Variants in LPP observed in about 807,000 individuals in gnomAD.
LPP encodes lipoma-preferred partner.
LPP carries 38 observed loss-of-function variants against 60.4 expected under a neutral mutation model. That is an observed-to-expected ratio of 0.63 (90% CI 0.49 to 0.83). The LOEUF is 0.83. Ranked by LOEUF, LPP falls within the 40% of genes least tolerant of loss-of-function variation. LPP has a pLI of 0.00. For missense variants in LPP, 902 were observed against 783.6 expected, an observed-to-expected ratio of 1.15 and a Z score of -1.80; for synonymous variants, 328 against 290.8, an observed-to-expected ratio of 1.13 and a Z score of -1.30.
chr3:188,693,864 CT>C (rs1337572517), intron 7 of LPP, among the ~76,000 whole-genome samples: 1 of 152,206 alleles, frequency 6.6e-6, no homozygotes, highest in African/African-American at 2.4e-5. Flanking sequence ...CTGAGTGAAT[CT>C]TTATTGGTGC....
intron 9 of LPP, among the ~76,000 whole-genome samples, chr3:188,843,897 A>T (rs1383374439): frequency 6.6e-6 from 1 of 151,988 alleles, no homozygotes; most frequent in Non-Finnish European, 1.5e-5. Flanking sequence ...TACTTGAGAT[A>T]ATATTTCTGG....
chr3:188,733,894 C>T (rs1346916373), intron 8 of LPP, among the ~76,000 whole-genome samples: 1 of 152,126 alleles, frequency 6.6e-6, no homozygotes, highest in Non-Finnish European at 1.5e-5. Flanking sequence ...GTATTTCTCA[C>T]TTATACTTTT....
rs377307094 is a variant in LPP, at chr3:188,263,760, A to G, written c.-67+38233A>G. Among the ~76,000 whole-genome samples, 22 of 152,362 alleles carry G rather than the reference A, an allele frequency of 1.4e-4. No homozygotes were observed. The South Asian group carries it at 4.1e-3, about 29-fold the overall frequency. On this transcript the variant is annotated intron_variant, in intron 2 of 11. Coordinates refer to ENST00000617246, the MANE Select transcript of LPP (RefSeq NM_001375462.1). ...AGTACCTTTCTAACCCATCACTGAT[A>G]GCATTTTTCTTTTGCACCAGACTTC...
chr3:188,772,728 C>T (rs1052352038), intron 9 of LPP, among the ~76,000 whole-genome samples: 13 of 151,960 alleles, frequency 8.6e-5, no homozygotes, highest in African/African-American at 1.2e-4. Flanking sequence ...CTCCTGACTG[C>T]AGGGAGGTCA....
At chr3:188,333,757 A>G (rs1175953600) in intron 2 of LPP, among the ~76,000 whole-genome samples, 1 of 152,190 alleles carries the variant, frequency 6.6e-6, no homozygotes, top group Non-Finnish European at 1.5e-5. Context: ...ATTAACACAT[A>G]ATTGTACATG....
At chr3:188,592,513 T>A (rs1259851263) in intron 6 of LPP, among the ~76,000 whole-genome samples, 1 of 151,490 alleles carries the variant, frequency 6.6e-6, no homozygotes, top group African/African-American at 2.4e-5. Context: ...TTATTACTTC[T>A]CATATTTTCT....
In LPP at chr3:188,840,169, C is replaced by T. The variant is rs183468356; in HGVS notation, c.1411-26031C>T. Among the ~76,000 whole-genome samples the T allele has an allele frequency of 1.7e-4, 26 of 152,190 alleles. No individual in the cohort carries two copies. The East Asian group carries it at 3.5e-3, about 20-fold the overall frequency. On this transcript the variant is annotated intron_variant, in intron 9 of 11. Coordinates refer to ENST00000617246, the MANE Select transcript of LPP (RefSeq NM_001375462.1). ...ATTCCTTCCTTTTCCAAGAAACCCA[C>T]GATTTCTTTCTTTCTTTTTCCAGCT...
chr3:188,398,908 CAGAAAAAG>C (rs1385577839), intron 3 of LPP, among the ~76,000 whole-genome samples: 3 of 152,118 alleles, frequency 2.0e-5, no homozygotes, highest in Non-Finnish European at 4.4e-5. Context: ...AAACGGGTGA[CAGAAAAAG>C]AGAAAAAGAG....
chr3:188,671,115 A>G (rs1856868854), intron 7 of LPP, among the ~76,000 whole-genome samples: 1 of 152,198 alleles, frequency 6.6e-6, no homozygotes, highest in Non-Finnish European at 1.5e-5. Context: ...ATCAAGTACT[A>G]CGCAGCTGAA....
intron 4 of LPP, among the ~76,000 whole-genome samples, chr3:188,406,919 A>G (rs1473462119): frequency 1.3e-5 from 2 of 152,176 alleles, no homozygotes; most frequent in African/African-American, 4.8e-5. Flanking sequence ...GTAGAGTTTG[A>G]AGGTCTACGT....
chr3:188,848,123 T>C (rs1761907032), intron 9 of LPP, among the ~76,000 whole-genome samples: 1 of 152,232 alleles, frequency 6.6e-6, no homozygotes. Context: ...ATTCTCAATT[T>C]TATGAAATTC....
chr3:188,809,074 G>A (rs1481777014), intron 9 of LPP, among the ~76,000 whole-genome samples: 3 of 152,046 alleles, frequency 2.0e-5, no homozygotes, highest in East Asian at 1.9e-4. Context: ...TCTTTATCCA[G>A]TCTATTATTG....
chr3:188,609,332 C>T lies in LPP; in HGVS notation c.601C>T (p.Pro201Ser), dbSNP rs375544166. ...TGTGGCTCCAATCGGAACACTCAAA[C>T]CCCAGCCTCAGCCAGTCCCAGCCTC... The part of the protein sequence containing the change: ...IPVAPIGTLK[P>S]QPQPVPASYT... Residue 201 changes from proline to serine, a missense_variant, in exon 7 of 12, where the codon CCC (proline) becomes TCC (serine). Pro to Ser is a moderately conservative substitution (Grantham distance 74). Coordinates refer to ENST00000617246, the MANE Select transcript of LPP (RefSeq NM_001375462.1). This position sits in a 1 kb window ranked among gnomAD's most constrained non-coding sequence, Gnocchi z 6.9. 24 of 1,613,976 alleles carry T rather than the reference C, an allele frequency of 1.5e-5. No homozygotes were observed. Among genetic ancestry groups the T allele is most frequent in the South Asian group, 3.3e-5 (3 of 91,082 alleles).
chr3:188,591,362 A>C (rs941149100), intron 6 of LPP, among the ~76,000 whole-genome samples: 4 of 152,190 alleles, frequency 2.6e-5, no homozygotes, highest in African/African-American at 9.6e-5. Flanking sequence ...TTTGTTCTGA[A>C]GCCCCAGTCT....
intron 1 of LPP, among the ~76,000 whole-genome samples, chr3:188,208,916 T>A (rs370153534): frequency 4.7e-4 from 71 of 152,362 alleles, no homozygotes; most frequent in Middle Eastern, 3.4e-3. Context: ...GAATGCACAG[T>A]CATTTGTAAG....
At chr3:188,441,229 T>C (rs1455020598) in intron 4 of LPP, among the ~76,000 whole-genome samples, 1 of 152,132 alleles carries the variant, frequency 6.6e-6, no homozygotes, top group Non-Finnish European at 1.5e-5. Context: ...CAACAACTAG[T>C]GTGTTCTAGA....
intron 8 of LPP, among the ~76,000 whole-genome samples, chr3:188,737,284 C>T (rs1722855471): frequency 6.6e-6 from 1 of 152,152 alleles, no homozygotes. Flanking sequence ...GGACTGAGAG[C>T]TGGGCAATGT....
intron 6 of LPP, among the ~76,000 whole-genome samples, chr3:188,586,874 C>G (rs561550113): frequency 6.6e-6 from 1 of 151,900 alleles, no homozygotes; most frequent in Non-Finnish European, 1.5e-5. Context: ...ACTACAGGCA[C>G]GCACCATCAG....
Position 188,195,440 on chromosome 3 carries a change from G to A in LPP, c.-189-29965G>A, listed in dbSNP as rs78272974. Among the ~76,000 whole-genome samples, 243 of 152,244 alleles carry A rather than the reference G, an allele frequency of 1.6e-3. 9 individuals carry two copies. In the East Asian group the frequency reaches 0.042, roughly 26 times the overall value. ...TATAGTTGATAAAGAGAACGAAGCC[G>A]TAGAGAGTTTACTGAATTTCTCAAT... On this transcript the variant is annotated intron_variant, in intron 1 of 11. Transcript: ENST00000617246.
Sources: allele counts gnomAD v4.1 joint callset (sites outside exome capture counted in the v4.1 genomes callset), GRCh38; gene constraint gnomAD v4.1.1; non-coding constraint Gnocchi (gnomAD v3.1); transcripts MANE v1.5; gene names NCBI Gene and HGNC (gene_info 2026-07-23, HGNC 2026-07-21).